Variants in PHLPP1 observed in about 807,000 individuals in gnomAD.
PHLPP1 encodes the protein PH domain and leucine rich repeat protein phosphatase 1, also known as PH domain leucine-rich repeat-containing protein phosphatase 1.
PHLPP1 carries 42 observed loss-of-function variants against 117.2 expected under a neutral mutation model. The ratio of observed to expected loss-of-function variants is 0.36; its 90% CI spans 0.28 to 0.46. The LOEUF (loss-of-function observed/expected upper bound fraction) is 0.46, where lower values mean the gene tolerates loss of function less well. Among genes scored for constraint, PHLPP1 ranks in the 20% least tolerant of loss-of-function variants. The probability of loss-of-function intolerance (pLI) is 1.00; values close to 1 mark genes in which losing one functional copy is unlikely to be tolerated. For missense variants in PHLPP1, 2,084 were observed against 2,241.9 expected, an observed-to-expected ratio of 0.93 and a Z score of 1.42; for synonymous variants, 1,042 against 970.7, an observed-to-expected ratio of 1.07 and a Z score of -1.37.
At chr18:62,945,026 TAAAGTC>T in intron 11 of PHLPP1, 77 bp from the exon 12 acceptor site, 1 of 1,063,472 alleles carries the variant, frequency 9.4e-7, no homozygotes, top group Non-Finnish European at 1.3e-6. Flanking sequence ...AATGAATCCT[TAAAGTC>T]ATAGCAATTT....
rs557989771 is a variant in PHLPP1 at position 62,860,715 on chromosome 18, C to T, written c.2066+114C>T. On this transcript the variant is annotated intron_variant, in intron 4 of 16. Coordinates refer to ENST00000262719, the MANE Select transcript of PHLPP1 (RefSeq NM_194449.4). ...AAGCTAGTGTGTAAACTTTCTCCTT[C>T]AGATAACAGGGTAATAGGACTTTGT... 28 of 817,072 alleles carry T rather than the reference C, an allele frequency of 3.4e-5. No homozygotes were observed. In the African/African-American group the frequency reaches 3.6e-4, roughly 11 times the overall value. The allele number at this position is 817,072 out of a possible 1,614,324, so 50.6% of individuals were successfully genotyped here.
Position 62,716,719 on chromosome 18 carries a change from G to T in PHLPP1, c.1036G>T (p.Asp346Tyr), listed in dbSNP as rs1437977229. The T allele has an allele frequency of 6.7e-7, 1 of 1,500,606 alleles. No homozygotes were observed. 93.0% of individuals were successfully genotyped at this position (1,500,606 alleles called of 1,614,324 possible). The change falls in exon 1 of 17, where the codon GAC (aspartate) becomes TAC (tyrosine). Residue 346 changes from aspartate (D) to tyrosine (Y), a missense_variant. Coordinates refer to ENST00000262719, the MANE Select transcript of PHLPP1 (RefSeq NM_194449.4). The surrounding 1 kb of genome is among the most constrained non-coding windows in gnomAD (Gnocchi z 5.7). ...CCGCGCCCCACGGCCTGTGGTCTCC[G>T]ACACCGAGAGCTTCAGTCTGAGTCC... is the stretch of plus-strand genomic sequence containing the variant. The part of the protein sequence containing the change: ...SPRAPRPVVS[D>Y]TESFSLSPSA...
At chr18:62,746,421 A>G (rs1192782761) in intron 1 of PHLPP1, among the ~76,000 whole-genome samples, 1 of 152,202 alleles carries the variant, frequency 6.6e-6, no homozygotes, top group Non-Finnish European at 1.5e-5. Flanking sequence ...GTCAGGACTT[A>G]CTTCGGCAAT....
intron 3 of PHLPP1, among the ~76,000 whole-genome samples, chr18:62,840,372 G>A (rs546621596): frequency 2.2e-4 from 34 of 152,274 alleles, no homozygotes; most frequent in African/African-American, 7.9e-4. Context: ...ACTCCTGCAG[G>A]GAAAAGTAGG....
intron 1 of PHLPP1, among the ~76,000 whole-genome samples, chr18:62,728,866 C>T (rs1160503685): frequency 2.0e-5 from 3 of 152,070 alleles, no homozygotes; most frequent in African/African-American, 7.2e-5. Flanking sequence ...TTAGTAGACT[C>T]TGCCAGTGGT....
chr18:62,897,196 C>T (rs1916585612), intron 6 of PHLPP1, among the ~76,000 whole-genome samples: 1 of 152,148 alleles, frequency 6.6e-6, no homozygotes, highest in Non-Finnish European at 1.5e-5. Context: ...TCTGAGTTAC[C>T]TGGTACATGT....
chr18:62,760,864 G>GTTTTGTTTTATTTTA (rs1288045234), intron 1 of PHLPP1, among the ~76,000 whole-genome samples: 6 of 152,076 alleles, frequency 3.9e-5, no homozygotes, highest in Admixed American at 3.9e-4. Context: ...ATTTTGTTTT[G>GTTTTGTTTTATTTTA]TTTTGTTTTA....
chr18:62,900,332 T>C (rs1162072098), intron 6 of PHLPP1, among the ~76,000 whole-genome samples: 1 of 66,542 alleles, frequency 1.5e-5, no homozygotes, highest in Non-Finnish European at 3.7e-5. Flanking sequence ...AATAAATAAA[T>C]AAATAAATAA....
chr18:62,771,993 C>T lies in PHLPP1; in HGVS notation c.1576+54734C>T, dbSNP rs117837259. On this transcript the variant is annotated intron_variant, in intron 1 of 16. Transcript: ENST00000262719. ...ATTCAGCCTGTATGATCAGTTTCTT[C>T]TTCTTCTTTCTTCTGTCTTCTTCTC... Among the ~76,000 whole-genome samples the T allele has an allele frequency of 1.3e-4, 20 of 152,330 alleles. No individual in the cohort carries two copies. In the East Asian group the frequency reaches 3.7e-3, roughly 28 times the overall value.
Position 62,963,463 on chromosome 18 carries a change from T to TA in PHLPP1, c.3557dup (p.Asn1186LysfsTer12), listed in dbSNP as rs954876785. The stretch of plus-strand genomic sequence containing the variant: ...CATGGTTACACTGAAGCTTCGGGGG[T>TA]AAAAAACAAGTAAGTCAGATGAAAC... On this transcript the variant is annotated frameshift_variant, in exon 14 of 17. Transcript: ENST00000262719. LOFTEE classifies it high-confidence loss of function. The TA allele has an allele frequency of 1.9e-6, 3 of 1,607,776 alleles. No individual in the cohort carries two copies. The highest frequency in any genetic ancestry group is 1.3e-5 in the African/African-American group (1 of 74,770).
At chr18:62,934,262 C>T (rs1909903181) in intron 10 of PHLPP1, among the ~76,000 whole-genome samples, 3 of 152,146 alleles carry the variant, frequency 2.0e-5, no homozygotes, top group African/African-American at 7.2e-5. Flanking sequence ...AAGACACCTT[C>T]CCTGCACTCA....
intron 1 of PHLPP1, among the ~76,000 whole-genome samples, chr18:62,828,867 C>G (rs1304691316): frequency 1.3e-5 from 2 of 152,156 alleles, no homozygotes; most frequent in Non-Finnish European, 2.9e-5. Context: ...ACATATATCT[C>G]TTATTAACTT....
rs1264493577 is a variant in PHLPP1 at position 62,715,667 on chromosome 18, C to A, written c.-17C>A. 1.6e-6 allele frequency: 2 copies of A among 1,274,360 alleles called. No homozygotes were observed. The highest frequency in any genetic ancestry group is 9.9e-7 in the Non-Finnish European group (1 of 1,010,182). The allele number at this position is 1,274,360 out of a possible 1,614,324, so 78.9% of individuals were successfully genotyped here. ...GCTGCCTCCGGAGCTGGGGGGGAAA[C>A]GCGAAGCCCCACTGCAATGGAGCCC... On this transcript the variant is annotated 5_prime_UTR_variant, in exon 1 of 17. Transcript: ENST00000262719.
intron 1 of PHLPP1, among the ~76,000 whole-genome samples, chr18:62,786,444 A>G (rs1913287500): frequency 6.6e-6 from 1 of 152,220 alleles, no homozygotes; most frequent in Admixed American, 6.5e-5. Context: ...AGTTAAGTCC[A>G]TGGAATCAGA....
chr18:62,956,861 T>C (rs1910625351), intron 12 of PHLPP1, among the ~76,000 whole-genome samples: 1 of 152,198 alleles, frequency 6.6e-6, no homozygotes, highest in African/African-American at 2.4e-5. Context: ...ATTGAAAATA[T>C]ATTTACCCAA....
intron 4 of PHLPP1, among the ~76,000 whole-genome samples, chr18:62,891,056 G>A (rs1916395025): frequency 6.6e-6 from 1 of 152,152 alleles, no homozygotes; most frequent in Non-Finnish European, 1.5e-5. Flanking sequence ...AGTTAAATTT[G>A]AATTTCATAT....
chr18:62,875,243 C>A (rs183820940), intron 4 of PHLPP1, among the ~76,000 whole-genome samples: 1 of 152,178 alleles, frequency 6.6e-6, no homozygotes, highest in African/African-American at 2.4e-5. Context: ...CATGAGGCAC[C>A]ACGTCCGGCC....
At chr18:62,943,711 C>T (rs986287903) in intron 11 of PHLPP1, among the ~76,000 whole-genome samples, 2 of 152,116 alleles carry the variant, frequency 1.3e-5, no homozygotes, top group African/African-American at 4.8e-5. Flanking sequence ...TATCTGCCCC[C>T]ATGACCAAAA....
Position 62,716,866 on chromosome 18 carries a change from C to T in PHLPP1, c.1183C>T (p.Arg395Cys). 1.3e-6 allele frequency: 2 copies of T among 1,523,194 alleles called. No homozygotes were observed. Among genetic ancestry groups the T allele is most frequent in the South Asian group, 1.2e-5 (1 of 82,642 alleles). 94.4% of individuals were successfully genotyped at this position (1,523,194 alleles called of 1,614,324 possible). The change falls in exon 1 of 17, where the codon CGC becomes TGC. Residue 395 changes from arginine to cysteine, a missense_variant. Arg to Cys is a radical substitution (Grantham distance 180). Transcript: ENST00000262719. The surrounding 1 kb of genome is among the most constrained non-coding windows in gnomAD (Gnocchi z 5.7). ...SAPTGVPGQP[R>C]RPGHPAQPLP... ...CCCGACGGGGGTCCCGGGCCAGCCCCGCCGTCCCGGCCACCCCGCGCAGCC... is the reference window on the plus strand; with the variant it reads ...CCCGACGGGGGTCCCGGGCCAGCCCTGCCGTCCCGGCCACCCCGCGCAGCC...
Sources: allele counts gnomAD v4.1 joint callset (sites outside exome capture counted in the v4.1 genomes callset), GRCh38; gene constraint gnomAD v4.1.1; non-coding constraint Gnocchi (gnomAD v3.1); transcripts MANE v1.5; gene names NCBI Gene and HGNC (gene_info 2026-07-23, HGNC 2026-07-21).